The following KDM4C variants were observed in gnomAD, a reference collection of about 807,000 sequenced individuals.
KDM4C encodes lysine demethylase 4C, also known as lysine-specific demethylase 4C.
In KDM4C, 81 loss-of-function variants were observed where a neutral mutation model predicts 129.3. The ratio of observed to expected loss-of-function variants is 0.63; its 90% CI spans 0.52 to 0.75. The LOEUF (loss-of-function observed/expected upper bound fraction) is 0.75. Among genes scored for constraint, KDM4C ranks in the 30% least tolerant of loss-of-function variants. The pLI is 0.00. For missense variants in KDM4C, 1,457 were observed against 1,304.0 expected (o/e 1.12, Z -1.81); for synonymous variants, 573 against 456.1 (o/e 1.26, Z -3.26).
At chr9:6,928,554 A>G (rs999928055) in intron 8 of KDM4C, among the ~76,000 whole-genome samples, 19 of 151,032 alleles carry the variant, frequency 1.3e-4, no homozygotes, top group African/African-American at 4.1e-4. Flanking sequence ...TATCACTTCA[A>G]ATGTTACGTC....
At chr9:6,896,617 C>T (rs1403626435) in intron 8 of KDM4C, among the ~76,000 whole-genome samples, 1 of 151,812 alleles carries the variant, frequency 6.6e-6, no homozygotes, top group Non-Finnish European at 1.5e-5. Flanking sequence ...ACCTCATGTT[C>T]CCCAGTAGGG....
intron 5 of KDM4C, among the ~76,000 whole-genome samples, chr9:6,861,729 T>G (rs1840957515): frequency 6.6e-6 from 1 of 152,120 alleles, no homozygotes; most frequent in African/African-American, 2.4e-5. Context: ...TGCATAAAGT[T>G]TCTTGAACTC....
chr9:7,128,097 T>C lies in KDM4C; in HGVS notation c.2642T>C (p.Val881Ala), dbSNP rs2133347846. 3 of 1,597,812 alleles carry C rather than the reference T, an allele frequency of 1.9e-6. No individual in the cohort carries two copies. The highest frequency in any genetic ancestry group is 2.3e-5 in the South Asian group (2 of 87,342). ...KSKACEKVIS[V>A]GQTVITKHRN... Reference sequence around the variant, plus strand: ...AAGGCTTGCGAGAAGGTCATTTCCGTGGGTCAAACGGTCATCACGAAGCAT... The same window carrying C: ...AAGGCTTGCGAGAAGGTCATTTCCGCGGGTCAAACGGTCATCACGAAGCAT... The change falls in exon 19 of 22, where the codon GTG (valine) becomes GCG (alanine). Residue 881 changes from valine (V) to alanine (A), a missense_variant. By Grantham distance (64) the Val-to-Ala change is moderately conservative (BLOSUM62 0). Coordinates refer to ENST00000381309, the MANE Select transcript of KDM4C (RefSeq NM_015061.6).
intron 8 of KDM4C, among the ~76,000 whole-genome samples, chr9:6,979,357 G>A (rs192902031): frequency 1.3e-5 from 2 of 152,300 alleles, no homozygotes; most frequent in Admixed American, 1.3e-4. Context: ...ATTCAGAGCC[G>A]AGGATGAAGT....
intron 5 of KDM4C, among the ~76,000 whole-genome samples, chr9:6,870,286 A>T (rs1842654157): frequency 1.3e-5 from 2 of 151,966 alleles, no homozygotes; most frequent in African/African-American, 2.4e-5. Context: ...TTTCCCTTGG[A>T]GGACAGATGG....
chr9:7,047,427 AG>A (rs1384754628), intron 16 of KDM4C, among the ~76,000 whole-genome samples: 1 of 123,974 alleles, frequency 8.1e-6, no homozygotes, highest in Admixed American at 8.8e-5. Flanking sequence ...TAAAGGGATC[AG>A]GTGGAGAATA....
chr9:6,829,588 T>C lies in KDM4C; in HGVS notation c.435+14843T>C, dbSNP rs529331476. Among the ~76,000 whole-genome samples the C allele has an allele frequency of 2.7e-4, 41 of 152,374 alleles. 1 individual carries two copies. Among genetic ancestry groups the C allele is most frequent in the African/African-American group, 9.4e-4 (39 of 41,600 alleles). On this transcript the variant is annotated intron_variant, in intron 4 of 21. Coordinates refer to ENST00000381309, the MANE Select transcript of KDM4C (RefSeq NM_015061.6). ...TCAGACTGAATGTTAGGGTTTATCC[T>C]AGATGACTCCTACTTAGTGGCAGAG...
intron 17 of KDM4C, among the ~76,000 whole-genome samples, chr9:7,054,793 G>C (rs1325978354): frequency 6.6e-6 from 1 of 152,084 alleles, no homozygotes; most frequent in African/African-American, 2.4e-5. Flanking sequence ...CAGGTTTGTG[G>C]GTTTTAAGAA....
intron 8 of KDM4C, among the ~76,000 whole-genome samples, chr9:6,915,678 A>C (rs1205926250): frequency 2.0e-5 from 3 of 152,182 alleles, no homozygotes; most frequent in African/African-American, 7.2e-5. Flanking sequence ...CGAATGCTAC[A>C]ACAATTTGTA....
chr9:6,855,456 C>G (rs1388607659), intron 5 of KDM4C, among the ~76,000 whole-genome samples: 2 of 43,994 alleles, frequency 4.5e-5, no homozygotes, highest in African/African-American at 2.3e-4. Flanking sequence ...GAGACTCCGT[C>G]TCAAAAAAAA....
chr9:6,934,100 G>A (rs1329440240), intron 8 of KDM4C, among the ~76,000 whole-genome samples: 1 of 151,948 alleles, frequency 6.6e-6, no homozygotes, highest in Non-Finnish European at 1.5e-5. Context: ...TGATCCGCCT[G>A]CCTCAGCCTC....
At chr9:6,882,324 A>G (rs983180761) in intron 6 of KDM4C, among the ~76,000 whole-genome samples, 1 of 152,212 alleles carries the variant, frequency 6.6e-6, no homozygotes, top group Admixed American at 6.5e-5. Flanking sequence ...TAAATCATGA[A>G]TGACAGTTTG....
intron 1 of KDM4C, among the ~76,000 whole-genome samples, chr9:6,752,646 G>A (rs1463177169): frequency 6.6e-6 from 1 of 151,764 alleles, no homozygotes; most frequent in East Asian, 2.0e-4. Context: ...CTGACCTCAG[G>A]AGATCCGTCC....
chr9:7,167,577 C>T (rs913584), intron 20 of KDM4C, among the ~76,000 whole-genome samples: 87,638 of 152,060 alleles, frequency 0.58, 25,396 homozygotes, highest in East Asian at 0.62. Flanking sequence ...TTAGCCCTCC[C>T]GGAAGTGACA....
intron 18 of KDM4C, among the ~76,000 whole-genome samples, chr9:7,111,271 C>G (rs1349407887): frequency 1.3e-5 from 2 of 152,106 alleles, no homozygotes; most frequent in East Asian, 1.9e-4. Context: ...GCTCCAAAAT[C>G]TGAAACTTTT....
intron 2 of KDM4C, among the ~76,000 whole-genome samples, chr9:6,796,513 G>A (rs1001782241): frequency 6.6e-6 from 1 of 152,180 alleles, no homozygotes; most frequent in Non-Finnish European, 1.5e-5. Flanking sequence ...GTCTTGTGAG[G>A]TAGGGTGGCA....
At chr9:7,049,781 G>T (rs189274121) in intron 17 of KDM4C, among the ~76,000 whole-genome samples, 1 of 152,036 alleles carries the variant, frequency 6.6e-6, no homozygotes, top group Admixed American at 6.6e-5. Flanking sequence ...GAAAATATAG[G>T]CCTTTATTGT....
At chr9:6,998,990 C>T (rs1376759025) in intron 12 of KDM4C, among the ~76,000 whole-genome samples, 4 of 152,124 alleles carry the variant, frequency 2.6e-5, no homozygotes, top group African/African-American at 7.2e-5. Flanking sequence ...TACTTCACCC[C>T]GTGTCTTGTA....
At chr9:7,038,818 T>G (rs1170045113) in intron 15 of KDM4C, among the ~76,000 whole-genome samples, 1 of 152,074 alleles carries the variant, frequency 6.6e-6, no homozygotes, top group South Asian at 2.1e-4. Context: ...AATGTAAGGT[T>G]AGATCTCATT....
Sources: gnomAD v4.1 joint callset for allele counts (sites outside exome capture counted in the v4.1 genomes callset) on GRCh38, gnomAD v4.1.1 for gene constraint, MANE v1.5 for transcripts, NCBI Gene and HGNC (gene_info 2026-07-23, HGNC 2026-07-21) for gene names.